SGCG: variants seen among roughly 807,000 people sequenced by gnomAD.
The protein encoded by SGCG is gamma-sarcoglycan.
SGCG carries 26 observed loss-of-function variants against 29.3 expected under a neutral mutation model. The observed-to-expected ratio is 0.89, with a 90% CI of 0.65 to 1.23. The LOEUF (loss-of-function observed/expected upper bound fraction) is 1.23, where lower values mean the gene tolerates loss of function less well. Ranked by LOEUF, SGCG falls within the 50% of genes most tolerant of loss-of-function variation. SGCG has a pLI of 0.00. For synonymous variants in SGCG, 145 were observed against 129.7 expected (o/e 1.12, Z -0.80); for missense variants, 353 against 356.0 (o/e 0.99, Z 0.07).
At chr13:23,214,176 G>A (rs1210851240) in intron 2 of SGCG, among the ~76,000 whole-genome samples, 2 of 152,050 alleles carry the variant, frequency 1.3e-5, no homozygotes, top group Non-Finnish European at 2.9e-5. Flanking sequence ...CTGACCCCAC[G>A]TTCATCATGG....
intron 5 of SGCG, among the ~76,000 whole-genome samples, chr13:23,282,770 G>GTTAA (rs1199118535): frequency 6.6e-6 from 1 of 152,158 alleles, no homozygotes; most frequent in Non-Finnish European, 1.5e-5. Context: ...CCTCAGCATT[G>GTTAA]TTAACATTTT....
chr13:23,226,349 A>G (rs1213987607), intron 2 of SGCG, among the ~76,000 whole-genome samples: 4 of 152,216 alleles, frequency 2.6e-5, no homozygotes, highest in Non-Finnish European at 4.4e-5. Context: ...TGTCACCAAG[A>G]GACATAAAAT....
intron 2 of SGCG, among the ~76,000 whole-genome samples, chr13:23,226,035 C>T (rs76431780): frequency 0.02 from 3,068 of 152,212 alleles, 101 homozygotes; most frequent in African/African-American, 0.071. Context: ...ACCTCTGCCA[C>T]ACCCTCTCCT....
At chr13:23,267,771 T>C (rs1323642118) in intron 4 of SGCG, 2 of 152,212 alleles carry the variant, frequency 1.3e-5, no homozygotes, top group African/African-American at 4.8e-5. Flanking sequence ...CTGCCCAAAC[T>C]GTCAGTGTTA....
At chr13:23,175,528 T>C in the SGCG span, among the ~76,000 whole-genome samples, 1 of 152,196 alleles carries the variant, frequency 6.6e-6, no homozygotes, top group African/African-American at 2.4e-5. Flanking sequence ...TTATTCAAGG[T>C]CATGAGTTCA....
chr13:23,252,460 G>A (rs1291098555), intron 4 of SGCG, among the ~76,000 whole-genome samples: 1 of 151,980 alleles, frequency 6.6e-6, no homozygotes, highest in Non-Finnish European at 1.5e-5. Flanking sequence ...GGGAGGCCGA[G>A]GTGGGTGGAT....
the SGCG span, among the ~76,000 whole-genome samples, chr13:23,167,989 G>A: frequency 1.8e-4 from 27 of 152,188 alleles, 1 homozygote; most frequent in African/African-American, 6.0e-4. Flanking sequence ...CGTGTGCCTC[G>A]ATCTCCCAAA....
intron 3 of SGCG, chr13:23,244,563 T>C (rs895714912): frequency 1.3e-5 from 2 of 152,234 alleles, no homozygotes; most frequent in African/African-American, 4.8e-5. Context: ...GTTTTAGATC[T>C]TTACCTTGTG....
chr13:23,214,320 C>A (rs1293481542), intron 2 of SGCG, among the ~76,000 whole-genome samples: 1 of 152,172 alleles, frequency 6.6e-6, no homozygotes, highest in East Asian at 1.9e-4. Context: ...GACTGCAGCA[C>A]CCAATTAAAG....
At chr13:23,278,580 G>C (rs1254473738) in intron 4 of SGCG, among the ~76,000 whole-genome samples, 2 of 152,180 alleles carry the variant, frequency 1.3e-5, no homozygotes, top group African/African-American at 4.8e-5. Context: ...AAGCATCAAA[G>C]AGGAATTGGG....
chr13:23,284,241 C>T (rs1231165448), intron 5 of SGCG, among the ~76,000 whole-genome samples: 2 of 152,168 alleles, frequency 1.3e-5, no homozygotes, highest in African/African-American at 4.8e-5. Flanking sequence ...TTCAGGTACA[C>T]CAATCAAATG....
chr13:23,220,970 G>C (rs190890360), intron 2 of SGCG, among the ~76,000 whole-genome samples: 13 of 152,300 alleles, frequency 8.5e-5, no homozygotes, highest in African/African-American at 2.9e-4. Context: ...GTAACATTGA[G>C]AGGAAATTTT....
intron 4 of SGCG, among the ~76,000 whole-genome samples, chr13:23,262,711 C>T (rs1337313405): frequency 2.0e-5 from 3 of 151,790 alleles, no homozygotes; most frequent in Non-Finnish European, 4.4e-5. Context: ...TCCATTCTTC[C>T]CATCAGCACA....
the SGCG span, among the ~76,000 whole-genome samples, chr13:23,171,014 A>G: frequency 1.3e-5 from 2 of 152,234 alleles, no homozygotes; most frequent in Admixed American, 1.3e-4. Context: ...GTGCTATGCT[A>G]TGGTCTGCCT....
intron 2 of SGCG, among the ~76,000 whole-genome samples, chr13:23,217,977 A>G (rs554917599): frequency 6.6e-6 from 1 of 152,292 alleles, no homozygotes; most frequent in Admixed American, 6.5e-5. Context: ...GCCCACAGGC[A>G]TTCCCACTGA....
intron 2 of SGCG, among the ~76,000 whole-genome samples, chr13:23,233,679 T>C (rs1879192579): frequency 6.6e-6 from 1 of 152,074 alleles, no homozygotes; most frequent in Non-Finnish European, 1.5e-5. Context: ...GATGGTAAAA[T>C]GTATGTAACA....
rs546321188 is a variant in SGCG, at chr13:23,304,804, T to G, written c.578+9317T>G. On this transcript the variant is annotated intron_variant, in intron 6 of 7. Transcript: ENST00000218867. ...TTTTGTTTGTTTGTTTGTTTGTTTG[T>G]TTTTGGTAGAGACCGGGTTTTGCCA... Among the ~76,000 whole-genome samples, 307 of 152,174 alleles carry G rather than the reference T, an allele frequency of 2.0e-3. 2 individuals carry two copies. The highest frequency in any genetic ancestry group is 2.8e-3 in the Non-Finnish European group (191 of 68,028).
At chr13:23,267,330 G>A (rs1880677720) in intron 4 of SGCG, among the ~76,000 whole-genome samples, 1 of 152,142 alleles carries the variant, frequency 6.6e-6, no homozygotes, top group Non-Finnish European at 1.5e-5. Flanking sequence ...ACAGGAGCAT[G>A]GTCACTACAG....
At chr13:23,209,518 A>G (rs1013066143) in intron 2 of SGCG, among the ~76,000 whole-genome samples, 2 of 152,214 alleles carry the variant, frequency 1.3e-5, no homozygotes, top group African/African-American at 4.8e-5. Context: ...TAACATAATC[A>G]TTTGAAAAGG....
Sources: gnomAD v4.1 joint callset for allele counts (sites outside exome capture counted in the v4.1 genomes callset) on GRCh38, gnomAD v4.1.1 for gene constraint, MANE v1.5 for transcripts, NCBI Gene and HGNC (gene_info 2026-07-23, HGNC 2026-07-21) for gene names.